Variants in GNA12 observed in about 807,000 individuals in gnomAD.
The protein encoded by GNA12 is G protein subunit alpha 12, also known as guanine nucleotide-binding protein subunit alpha-12.
In GNA12, 9 loss-of-function variants were observed where a neutral mutation model predicts 26.0. The observed-to-expected ratio is 0.35, with a 90% CI of 0.21 to 0.60. The LOEUF is 0.60. Ranked by LOEUF, GNA12 falls within the 20% of genes least tolerant of loss-of-function variation. GNA12 has a pLI of 0.78. For missense variants in GNA12, 405 were observed against 525.8 expected, an observed-to-expected ratio of 0.77 and a Z score of 2.25; for synonymous variants, 264 against 219.6, an observed-to-expected ratio of 1.20 and a Z score of -1.79.
At chr7:2,746,986 G>C (rs1339300416) in intron 2 of GNA12, among the ~76,000 whole-genome samples, 6 of 152,150 alleles carry the variant, frequency 3.9e-5, no homozygotes, top group African/African-American at 2.4e-5. Flanking sequence ...TTGAATCTCT[G>C]AATAGACCAA....
At chr7:2,813,731 G>A (rs1037813082) in intron 1 of GNA12, among the ~76,000 whole-genome samples, 10 of 152,198 alleles carry the variant, frequency 6.6e-5, no homozygotes, top group Non-Finnish European at 1.5e-4. Flanking sequence ...GGAATCTGGG[G>A]CCACGCCTAA....
intron 1 of GNA12, among the ~76,000 whole-genome samples, chr7:2,833,614 G>A (rs1213469641): frequency 6.6e-6 from 1 of 152,238 alleles, no homozygotes; most frequent in South Asian, 2.1e-4. Flanking sequence ...GTTAGCTGAC[G>A]GAAAAAGATG....
At chr7:2,839,145 T>C (rs2644304) in intron 1 of GNA12, among the ~76,000 whole-genome samples, 64,565 of 152,090 alleles carry the variant, frequency 0.42, 13,983 homozygotes, top group Admixed American at 0.48. Flanking sequence ...AACAAACCAA[T>C]ACATTTAAAA....
chr7:2,731,568 G>C lies in GNA12; in HGVS notation c.759C>G (p.Ser253=), dbSNP rs774944056. The C allele has an allele frequency of 4.3e-5, 70 of 1,612,806 alleles. No homozygotes were observed. The Middle Eastern group carries it at 1.5e-3, about 34-fold the overall frequency. ...DGITSILFMV[S]SSEYDQVLME... ...TGAGGACCTGGTCGTACTCGCTGGAGGAGACCATGAACAGGATGGACGTGA... is the reference window on the plus strand; with the variant it reads ...TGAGGACCTGGTCGTACTCGCTGGACGAGACCATGAACAGGATGGACGTGA... Residue 253 remains serine, a synonymous_variant, in exon 4 of 4, where the codon TCC becomes TCG. Coordinates refer to ENST00000275364, the MANE Select transcript of GNA12 (RefSeq NM_007353.3). The surrounding 1 kb of genome is among the most constrained non-coding windows in gnomAD (Gnocchi z 6.0).
At chr7:2,838,771 A>T (rs972133240) in intron 1 of GNA12, among the ~76,000 whole-genome samples, 3 of 152,360 alleles carry the variant, frequency 2.0e-5, no homozygotes, top group South Asian at 2.1e-4. Context: ...CTGATAATGG[A>T]GACTTCAAAG....
intron 1 of GNA12, among the ~76,000 whole-genome samples, chr7:2,827,499 T>A (rs1293925896): frequency 6.6e-6 from 1 of 152,224 alleles, no homozygotes; most frequent in Non-Finnish European, 1.5e-5. Context: ...TCAAGCACTG[T>A]GGCCCGGACT....
At chr7:2,816,240 C>CTTTTT (rs71026563) in intron 1 of GNA12, among the ~76,000 whole-genome samples, 3 of 148,496 alleles carry the variant, frequency 2.0e-5, no homozygotes, top group Non-Finnish European at 4.5e-5. Flanking sequence ...TCACCAAATC[C>CTTTTT]TTTTTTTTTG....
chr7:2,840,157 T>G (rs961515254), intron 1 of GNA12, among the ~76,000 whole-genome samples: 3 of 152,190 alleles, frequency 2.0e-5, no homozygotes, highest in African/African-American at 7.2e-5. Context: ...GCTATCTAGT[T>G]CTACAGAACA....
At chr7:2,749,282 C>T (rs1790911224) in intron 2 of GNA12, among the ~76,000 whole-genome samples, 1 of 152,114 alleles carries the variant, frequency 6.6e-6, no homozygotes, top group South Asian at 2.1e-4. Context: ...CAATGATAGA[C>T]TGGATTAAGA....
At chr7:2,811,840 G>T (rs1313076783) in intron 1 of GNA12, among the ~76,000 whole-genome samples, 1 of 152,220 alleles carries the variant, frequency 6.6e-6, no homozygotes, top group Non-Finnish European at 1.5e-5. Context: ...AGTCCGGCAG[G>T]CCACGCAGGA....
Position 2,729,058 on chromosome 7 carries a change from T to C in GNA12, c.*2123A>G, listed in dbSNP as rs149642444. Reference sequence around the variant, plus strand: ...CTGTTTAAAGGAAAACAAGCACTCATTGACAAGGCCGGACTACTCAGGAAG... The same window carrying C: ...CTGTTTAAAGGAAAACAAGCACTCACTGACAAGGCCGGACTACTCAGGAAG... On this transcript the variant is annotated 3_prime_UTR_variant, in exon 4 of 4. Transcript: ENST00000275364. The C allele has an allele frequency of 3.4e-4, 52 of 152,526 alleles. No homozygotes were observed. The highest frequency in any genetic ancestry group is 6.0e-4 in the Non-Finnish European group (41 of 68,046). 9.4% of individuals were successfully genotyped at this position (152,526 alleles called of 1,614,324 possible).
intron 1 of GNA12, among the ~76,000 whole-genome samples, chr7:2,835,219 G>C (rs1778800767): frequency 6.6e-6 from 1 of 152,100 alleles, no homozygotes; most frequent in South Asian, 2.1e-4. Context: ...ATCTAAGCTG[G>C]CCTGATGTCT....
chr7:2,826,844 T>C (rs1182196), intron 1 of GNA12, among the ~76,000 whole-genome samples: 1 of 151,996 alleles, frequency 6.6e-6, no homozygotes, highest in Non-Finnish European at 1.5e-5. Context: ...GTGAAACTAT[T>C]TTGAATGATG....
At chr7:2,737,826 T>G (rs1414316169) in intron 2 of GNA12, among the ~76,000 whole-genome samples, 1 of 152,208 alleles carries the variant, frequency 6.6e-6, no homozygotes, top group Non-Finnish European at 1.5e-5. Flanking sequence ...AAATAAATAT[T>G]AAAGTTAGCA....
In GNA12 at chr7:2,817,875, C is replaced by T. The variant is rs188127537; in HGVS notation, c.310-22732G>A. Among the ~76,000 whole-genome samples the T allele has an allele frequency of 2.0e-5, 3 of 152,294 alleles. No individual in the cohort carries two copies. In the East Asian group the frequency reaches 5.8e-4, roughly 29 times the overall value. On this transcript the variant is annotated intron_variant, in intron 1 of 3. Transcript: ENST00000275364. ...TAATTATCATCTCCTCCTTCCATTC[C>T]TCCTTCCCTCCCTTTAGTTTTATTT...
chr7:2,843,906 C>G lies in GNA12; in HGVS notation c.256G>C (p.Asp86His), dbSNP rs1005951200. 5 of 1,582,110 alleles carry G rather than the reference C, an allele frequency of 3.2e-6. No homozygotes were observed. The highest frequency in any genetic ancestry group is 1.2e-5 in the South Asian group (1 of 86,802). Residue 86 changes from aspartate to histidine, a missense_variant, in exon 1 of 4, where the codon GAC becomes CAC. Transcript: ENST00000275364. ...CGGAACTCCAGCAGCGCCTTCTGGT[C>G]GAACTCGCGGCCGTGGATGATGCGC... The part of the protein sequence containing the change: ...QMRIIHGREF[D>H]QKALLEFRDT...
chr7:2,762,697 G>C, intron 2 of GNA12: 1 of 1,574,092 alleles, frequency 6.4e-7, no homozygotes, highest in Non-Finnish European at 8.6e-7. Context: ...CGCTGCCCGG[G>C]TGGAGGAGCG....
In GNA12 at chr7:2,796,980, G is replaced by A. The variant is rs192800551; in HGVS notation, c.310-1837C>T. On this transcript the variant is annotated intron_variant, in intron 1 of 3. Transcript: ENST00000275364. ...TACTCTCTGGTATGGTCTACACTGGGGGTATACAGAGTGGTCAAGGGCCCT... is the reference window on the plus strand; with the variant it reads ...TACTCTCTGGTATGGTCTACACTGGAGGTATACAGAGTGGTCAAGGGCCCT... Among the ~76,000 whole-genome samples, 32 of 152,272 alleles carry A rather than the reference G, an allele frequency of 2.1e-4. No homozygotes were observed. In the East Asian group the frequency reaches 3.9e-3, roughly 18 times the overall value.
intron 1 of GNA12, among the ~76,000 whole-genome samples, chr7:2,806,354 G>A (rs1465165995): frequency 2.0e-5 from 3 of 151,088 alleles, no homozygotes; most frequent in Admixed American, 6.6e-5. Context: ...GCACATGGTG[G>A]CAGGTGCCTG....
Sources: allele counts gnomAD v4.1 joint callset (sites outside exome capture counted in the v4.1 genomes callset), GRCh38; gene constraint gnomAD v4.1.1; non-coding constraint Gnocchi (gnomAD v3.1); transcripts MANE v1.5; gene names NCBI Gene and HGNC (gene_info 2026-07-23, HGNC 2026-07-21).